The following FHOD3 variants were observed in gnomAD, a reference collection of about 807,000 sequenced individuals.
FHOD3 encodes FH1/FH2 domain-containing protein 3.
Under a neutral mutation model 173.0 loss-of-function variants are expected in FHOD3, and 90 were observed. That is an observed-to-expected ratio of 0.52 (90% CI 0.44 to 0.62). The LOEUF (loss-of-function observed/expected upper bound fraction) is 0.62, where lower values mean the gene tolerates loss of function less well. Ranked by LOEUF, FHOD3 falls within the 20% of genes least tolerant of loss-of-function variation. The pLI, the probability that FHOD3 is intolerant of heterozygous loss-of-function variation, is 0.00. For missense variants in FHOD3, 1,945 were observed against 2,034.7 expected, an observed-to-expected ratio of 0.96 and a Z score of 0.85; for synonymous variants, 828 against 823.0, an observed-to-expected ratio of 1.01 and a Z score of -0.10.
chr18:36,713,289 G>C (rs2040271561), intron 18 of FHOD3, among the ~76,000 whole-genome samples: 1 of 152,206 alleles, frequency 6.6e-6, no homozygotes, highest in Non-Finnish European at 1.5e-5. Flanking sequence ...GTAGTGCTCT[G>C]TGTATGCAGA....
At chr18:36,526,123 T>A (rs2056499182) in intron 5 of FHOD3, among the ~76,000 whole-genome samples, 1 of 152,234 alleles carries the variant, frequency 6.6e-6, no homozygotes, top group Admixed American at 6.5e-5. Context: ...AGGAGATGAT[T>A]TGCAGATGAC....
intron 3 of FHOD3, among the ~76,000 whole-genome samples, chr18:36,477,530 C>CCCAG (rs2053641267): frequency 1.0e-5 from 1 of 100,052 alleles, no homozygotes; most frequent in Non-Finnish European, 2.0e-5. Context: ...CATCCATCCA[C>CCCAG]CCACCCACCC....
At position 36,700,027 on chromosome 18, in the gene FHOD3, C is replaced by G. The variant is rs187717393; in HGVS notation, c.2236+6604C>G. On this transcript the variant is annotated intron_variant, in intron 17 of 28. Coordinates refer to ENST00000590592, the MANE Select transcript of FHOD3 (RefSeq NM_001281740.3). ...CGTGCATTTCTCATTGTTTTCTCAA[C>G]ATTTGTCTTAGTCTTTTCTCATTGT... 2.0e-4 allele frequency among the ~76,000 whole-genome samples: 31 copies of G among 152,260 alleles called. No homozygotes were observed. The East Asian group carries it at 5.8e-3, about 28-fold the overall frequency.
chr18:36,423,656 G>A (rs893573246), intron 3 of FHOD3, among the ~76,000 whole-genome samples: 15 of 152,172 alleles, frequency 9.9e-5, no homozygotes, highest in Admixed American at 2.6e-4. Flanking sequence ...AGCACCATGT[G>A]TCAACAGTAC....
intron 24 of FHOD3, among the ~76,000 whole-genome samples, chr18:36,751,619 G>T (rs897372508): frequency 6.6e-6 from 1 of 152,050 alleles, no homozygotes; most frequent in Non-Finnish European, 1.5e-5. Flanking sequence ...TGTCATAGAT[G>T]GCCCTTATTA....
chr18:36,371,725 C>G (rs79805314), intron 2 of FHOD3, among the ~76,000 whole-genome samples: 1,882 of 152,282 alleles, frequency 0.012, 37 homozygotes, highest in African/African-American at 0.043. Context: ...GGTGAGATCT[C>G]TGTTCCCTTC....
chr18:36,376,416 G>A (rs1005415887), intron 3 of FHOD3, among the ~76,000 whole-genome samples: 1 of 152,180 alleles, frequency 6.6e-6, no homozygotes, highest in African/African-American at 2.4e-5. Flanking sequence ...CCAATATTGA[G>A]TTAAACAAAA....
intron 3 of FHOD3, among the ~76,000 whole-genome samples, chr18:36,434,649 G>A (rs1024844357): frequency 2.6e-5 from 4 of 151,920 alleles, no homozygotes; most frequent in Non-Finnish European, 4.4e-5. Flanking sequence ...ATCAATTTGC[G>A]GAGAACTGAC....
intron 9 of FHOD3, among the ~76,000 whole-genome samples, chr18:36,616,766 T>C (rs2033242397): frequency 6.6e-6 from 1 of 152,214 alleles, no homozygotes; most frequent in Admixed American, 6.5e-5. Context: ...AAACCACTTA[T>C]TCTGTGAGCT....
intron 5 of FHOD3, among the ~76,000 whole-genome samples, chr18:36,562,629 G>T (rs2058127629): frequency 6.6e-6 from 1 of 152,200 alleles, no homozygotes; most frequent in African/African-American, 2.4e-5. Flanking sequence ...CCTCATTGGA[G>T]AGCAGGACGT....
chr18:36,303,767 G>T (rs2092016969), intron 1 of FHOD3, among the ~76,000 whole-genome samples: 1 of 152,076 alleles, frequency 6.6e-6, no homozygotes, highest in Admixed American at 6.5e-5. Flanking sequence ...GTTGCCTGTG[G>T]CTGGCTTAGA....
intron 3 of FHOD3, among the ~76,000 whole-genome samples, chr18:36,405,987 T>A (rs563186168): frequency 6.6e-6 from 1 of 152,222 alleles, no homozygotes; most frequent in Admixed American, 6.5e-5. Flanking sequence ...TTAGTAGGTT[T>A]TTGATAATGG....
intron 5 of FHOD3, among the ~76,000 whole-genome samples, chr18:36,523,555 A>G (rs140255292): frequency 6.6e-6 from 1 of 152,346 alleles, no homozygotes; most frequent in African/African-American, 2.4e-5. Context: ...CAGGAATACT[A>G]GACATGATTT....
At chr18:36,317,696 A>G (rs997244460) in intron 1 of FHOD3, among the ~76,000 whole-genome samples, 2 of 152,176 alleles carry the variant, frequency 1.3e-5, no homozygotes, top group African/African-American at 4.8e-5. Context: ...CTTTGCTGAT[A>G]GTTTCTTTTG....
chr18:36,319,551 C>A (rs1290591721), intron 1 of FHOD3, among the ~76,000 whole-genome samples: 1 of 152,156 alleles, frequency 6.6e-6, no homozygotes, highest in Non-Finnish European at 1.5e-5. Context: ...GACTTTAACA[C>A]TCCACTGTCA....
At chr18:36,519,189 G>A (rs983363146) in intron 5 of FHOD3, among the ~76,000 whole-genome samples, 7 of 152,196 alleles carry the variant, frequency 4.6e-5, no homozygotes, top group Non-Finnish European at 1.0e-4. Flanking sequence ...GCCTGTACGG[G>A]TGCAGAGGAC....
chr18:36,681,680 T>C (rs2038251487), intron 15 of FHOD3, 110 bp downstream of exon 15: 2 of 1,305,798 alleles, frequency 1.5e-6, no homozygotes, highest in South Asian at 1.6e-5. Context: ...ATGAAAATTC[T>C]GTCTGTATTT....
intron 10 of FHOD3, 101 bp from the exon 11 acceptor site, chr18:36,649,215 T>G (rs776304415): frequency 1.0e-5 from 7 of 701,362 alleles, no homozygotes; most frequent in African/African-American, 1.8e-5. Context: ...TCGTTGTTGT[T>G]GTTGTTGTTG....
intron 14 of FHOD3, among the ~76,000 whole-genome samples, chr18:36,664,171 C>A (rs1254675891): frequency 6.6e-6 from 1 of 151,828 alleles, no homozygotes; most frequent in Non-Finnish European, 1.5e-5. Context: ...GATTAAAGTA[C>A]ATTTTTAAAA....
Sources: allele counts gnomAD v4.1 joint callset (sites outside exome capture counted in the v4.1 genomes callset), GRCh38; gene constraint gnomAD v4.1.1; transcripts MANE v1.5; gene names NCBI Gene and HGNC (gene_info 2026-07-23, HGNC 2026-07-21).